PEX13: variants seen among roughly 807,000 people sequenced by gnomAD.
The protein encoded by PEX13 is peroxisome biogenesis factor 13.
A neutral mutation model predicts 34.5 loss-of-function variants in PEX13; 28 were observed. The ratio of observed to expected loss-of-function variants is 0.81; its 90% CI spans 0.60 to 1.11. PEX13 has a LOEUF of 1.11. Ranked by LOEUF, PEX13 falls within the 50% of genes most tolerant of loss-of-function variation. The pLI, the probability that PEX13 is intolerant of heterozygous loss-of-function variation, is 0.00. For missense variants in PEX13, 550 were observed against 491.0 expected (o/e 1.12, Z -1.13); for synonymous variants, 177 against 175.1 (o/e 1.01, Z -0.09).
chr2:61,034,662 G>A (rs1209543535), intron 2 of PEX13, among the ~76,000 whole-genome samples: 5 of 152,246 alleles, frequency 3.3e-5, no homozygotes, highest in Non-Finnish European at 7.3e-5. Flanking sequence ...TCCCTCCTGT[G>A]CCTGGCTCGG....
intron 2 of PEX13, among the ~76,000 whole-genome samples, chr2:61,036,451 C>T (rs1194064256): frequency 1.3e-5 from 2 of 152,222 alleles, no homozygotes. Flanking sequence ...CCCTACAAGC[C>T]AGAAGACAGT....
chr2:61,017,820 G>C lies in PEX13; in HGVS notation c.61G>C (p.Gly21Arg), dbSNP rs1680110774. 6.4e-7 allele frequency: 1 copy of C among 1,550,552 alleles called. No homozygotes were observed. Among genetic ancestry groups the C allele is most frequent in the East Asian group, 2.4e-5 (1 of 41,068 alleles). ...GGAGACCCGCCGAATTCCGGGAGCC[G>C]GACCGGGACCAGGACCGGGCCCCAC... ...PWETRRIPGA[G>R]PGPGPGPTFQ... Residue 21 changes from glycine to arginine, a missense_variant, in exon 1 of 4, where the codon GGA becomes CGA. Physicochemically the swap from Gly to Arg is moderately radical, Grantham distance 125. Transcript: ENST00000295030.
intron 2 of PEX13, among the ~76,000 whole-genome samples, chr2:61,038,174 G>T (rs1680566422): frequency 6.6e-6 from 1 of 152,204 alleles, no homozygotes; most frequent in East Asian, 1.9e-4. Flanking sequence ...TCTGCCAGAG[G>T]TAGAAAGAGG....
chr2:61,021,024 G>A (rs1038951336), intron 1 of PEX13, among the ~76,000 whole-genome samples: 6 of 152,252 alleles, frequency 3.9e-5, no homozygotes, highest in Middle Eastern at 3.4e-3. Flanking sequence ...CATCTGTTGA[G>A]ACCATTGTAT....
At chr2:61,041,977 A>C (rs1680632649) in intron 2 of PEX13, among the ~76,000 whole-genome samples, 1 of 152,180 alleles carries the variant, frequency 6.6e-6, no homozygotes, top group South Asian at 2.1e-4. Flanking sequence ...GGAGAAGCAA[A>C]ATTGAGGTCC....
intron 1 of PEX13, chr2:61,018,075 G>A: frequency 6.7e-7 from 1 of 1,503,538 alleles, no homozygotes; most frequent in Non-Finnish European, 8.9e-7. Context: ...GTTTTTTTCG[G>A]GAGCTCCTGG....
At chr2:61,020,283 T>G (rs946850542) in intron 1 of PEX13, among the ~76,000 whole-genome samples, 1 of 152,222 alleles carries the variant, frequency 6.6e-6, no homozygotes, top group African/African-American at 2.4e-5. Flanking sequence ...TTTCCATATT[T>G]TATTTTTTAT....
In PEX13 at chr2:61,027,207, G is replaced by A. The variant is rs559344405; in HGVS notation, c.93-4212G>A. 2.3e-3 allele frequency among the ~76,000 whole-genome samples: 349 copies of A among 151,238 alleles called. 1 individual carries two copies. The highest frequency in any genetic ancestry group is 8.0e-3 in the African/African-American group (329 of 41,292). ...AAAAAAAAAAGGCAGGCATGGTGGT[G>A]CACGCCTGTAGTCCCAGCTACTTGG... On this transcript the variant is annotated intron_variant, in intron 1 of 3. Coordinates refer to ENST00000295030, the MANE Select transcript of PEX13 (RefSeq NM_002618.4).
In PEX13 at chr2:61,022,987, A is replaced by C. The variant is rs536183377; in HGVS notation, c.92+5136A>C. Among the ~76,000 whole-genome samples, 11 of 151,428 alleles carry C rather than the reference A, an allele frequency of 7.3e-5. No homozygotes were observed. In the East Asian group the frequency reaches 1.8e-3, roughly 24 times the overall value. The stretch of plus-strand genomic sequence containing the variant: ...TTGTATCAAAGTTTTATAGCTAGAT[A>C]GGTTTTTCTGTTGAGTCTAATTTCC... On this transcript the variant is annotated intron_variant, in intron 1 of 3. Coordinates refer to ENST00000295030, the MANE Select transcript of PEX13 (RefSeq NM_002618.4).
At chr2:61,047,159 T>A (rs1680716193) in intron 3 of PEX13, among the ~76,000 whole-genome samples, 1 of 148,852 alleles carries the variant, frequency 6.7e-6, no homozygotes, top group African/African-American at 2.5e-5. Flanking sequence ...TTTTTCTTTC[T>A]TTTTTTTTTG....
At chr2:61,031,041 G>C (rs964024192) in intron 1 of PEX13, among the ~76,000 whole-genome samples, 1 of 152,156 alleles carries the variant, frequency 6.6e-6, no homozygotes, top group Non-Finnish European at 1.5e-5. Flanking sequence ...TGTAATCCCA[G>C]CACTTTAGGA....
At position 61,029,094 on chromosome 2, in the gene PEX13, G is replaced by C. The variant is rs149596403; in HGVS notation, c.93-2325G>C. Among the ~76,000 whole-genome samples, 1,369 of 147,706 alleles carry C rather than the reference G, an allele frequency of 9.3e-3. 13 individuals carry two copies. The highest frequency in any genetic ancestry group is 0.049 in the Middle Eastern group (14 of 286). ...CAGAAGGATTACTTGAGCTGTGTTT[G>C]CGCTTCTGCACTCCAACCTCAATGA... On this transcript the variant is annotated intron_variant, in intron 1 of 3. Transcript: ENST00000295030.
rs894086215 is a variant in PEX13 at position 61,045,932 on chromosome 2, C to T, written c.913+81C>T. On this transcript the variant is annotated intron_variant, in intron 3 of 3. Coordinates refer to ENST00000295030, the MANE Select transcript of PEX13 (RefSeq NM_002618.4). ...AGTATTAAAAACTACAACAAAGGAT[C>T]TTGTTCATTGTTAGTTAACTTAGAG... The T allele has an allele frequency of 9.5e-6, 11 of 1,160,672 alleles. No individual in the cohort carries two copies. In the African/African-American group the frequency reaches 1.2e-4, roughly 13 times the overall value. The allele number at this position is 1,160,672 out of a possible 1,614,324, so 71.9% of individuals were successfully genotyped here.
chr2:61,027,843 C>G (rs775040860), intron 1 of PEX13, among the ~76,000 whole-genome samples: 4 of 152,168 alleles, frequency 2.6e-5, no homozygotes, highest in Admixed American at 1.3e-4. Flanking sequence ...ACTGCACTAT[C>G]TGGCCGTTCA....
At chr2:61,045,140 C>A (rs1680686254) in intron 2 of PEX13, among the ~76,000 whole-genome samples, 1 of 152,174 alleles carries the variant, frequency 6.6e-6, no homozygotes, top group Non-Finnish European at 1.5e-5. Context: ...ACCACATACT[C>A]ATAGACTCAT....
At chr2:61,026,344 C>CTTTTTTTTT (rs71402320) in intron 1 of PEX13, among the ~76,000 whole-genome samples, 18 of 121,216 alleles carry the variant, frequency 1.5e-4, no homozygotes, top group African/African-American at 2.8e-4. Context: ...TTTCTTTTTT[C>CTTTTTTTTT]TTTTTTTTTT....
At chr2:61,026,061 C>T (rs1052966699) in intron 1 of PEX13, among the ~76,000 whole-genome samples, 7 of 152,040 alleles carry the variant, frequency 4.6e-5, no homozygotes, top group African/African-American at 7.2e-5. Flanking sequence ...TCTAGAGAAA[C>T]GCCTGAAAAG....
chr2:61,031,569 A>G lies in PEX13; in HGVS notation c.243A>G (p.Gly81=), dbSNP rs1680450038. The change falls in exon 2 of 4, where the codon GGA becomes GGG. Residue 81 remains glycine, a synonymous_variant. Transcript: ENST00000295030. The part of the protein sequence containing the change: ...FRPAYSSFSS[G]YGAYGNSFYG... Reference sequence around the variant, plus strand: ...CTGCTTACAGTTCATTTTCTTCTGGATATGGTGCCTATGGAAATTCATTTT... The same window carrying G: ...CTGCTTACAGTTCATTTTCTTCTGGGTATGGTGCCTATGGAAATTCATTTT... 11 of 1,614,168 alleles carry G rather than the reference A, an allele frequency of 6.8e-6. No homozygotes were observed. Among genetic ancestry groups the G allele is most frequent in the Non-Finnish European group, 8.5e-6 (10 of 1,180,024 alleles).
intron 1 of PEX13, chr2:61,018,395 T>C: frequency 7.2e-7 from 1 of 1,384,678 alleles, no homozygotes; most frequent in Non-Finnish European, 9.6e-7. Context: ...GAAGCAACTT[T>C]AAAGCAGGAG....
Sources: gnomAD v4.1 joint callset for allele counts (sites outside exome capture counted in the v4.1 genomes callset) on GRCh38, gnomAD v4.1.1 for gene constraint, MANE v1.5 for transcripts, NCBI Gene and HGNC (gene_info 2026-07-23, HGNC 2026-07-21) for gene names.